CAB39: variants seen among roughly 807,000 people sequenced by gnomAD.
CAB39 encodes calcium-binding protein 39.
In CAB39, 8 loss-of-function variants were observed where a neutral mutation model predicts 40.0. The observed-to-expected ratio is 0.20, with a 90% CI of 0.12 to 0.36. CAB39 has a LOEUF of 0.36. CAB39 is among the 10% of genes least tolerant of loss of function. CAB39 has a pLI of 1.00. For missense variants in CAB39, 270 were observed against 401.1 expected, an observed-to-expected ratio of 0.67 and a Z score of 2.79; for synonymous variants, 156 against 141.6, an observed-to-expected ratio of 1.10 and a Z score of -0.72.
chr2:230,796,844 G>A (rs535401536), intron 4 of CAB39, among the ~76,000 whole-genome samples: 14 of 152,264 alleles, frequency 9.2e-5, no homozygotes, highest in African/African-American at 3.4e-4. Context: ...CATCCTAATG[G>A]CATATGACTG....
intron 1 of CAB39, among the ~76,000 whole-genome samples, chr2:230,715,784 CCTCAACCTCCTGGG>C (rs1263872399): frequency 7.2e-5 from 11 of 152,200 alleles, no homozygotes; most frequent in Admixed American, 3.3e-4. Flanking sequence ...CTCACTGCAA[CCTCAACCTCCTGGG>C]CTCAAGCCAT....
chr2:230,811,946 CAT>C (rs551924959), intron 6 of CAB39, among the ~76,000 whole-genome samples: 7 of 152,142 alleles, frequency 4.6e-5, no homozygotes, highest in Non-Finnish European at 1.0e-4. Flanking sequence ...TTTAGAAGAA[CAT>C]ATGTGAGGCA....
chr2:230,783,732 G>A (rs1695739327), intron 2 of CAB39, among the ~76,000 whole-genome samples: 1 of 152,040 alleles, frequency 6.6e-6, no homozygotes, highest in African/African-American at 2.4e-5. Context: ...GAACTCCTGA[G>A]CTCAAGCCAT....
chr2:230,816,449 C>T (rs1233173311), intron 7 of CAB39, among the ~76,000 whole-genome samples: 1 of 152,188 alleles, frequency 6.6e-6, no homozygotes, highest in African/African-American at 2.4e-5. Context: ...TGATATGAAG[C>T]CTACTCCTTT....
In CAB39 at chr2:230,809,445, C is replaced by T. The variant is rs78562779; in HGVS notation, c.568-818C>T. Among the ~76,000 whole-genome samples the T allele has an allele frequency of 2.6e-5, 4 of 152,214 alleles. No homozygotes were observed. In the South Asian group the frequency reaches 6.2e-4, roughly 24 times the overall value. On this transcript the variant is annotated intron_variant, in intron 5 of 8. Coordinates refer to ENST00000258418, the MANE Select transcript of CAB39 (RefSeq NM_016289.4). ...CCTCAATCCATTAGTTTACCAGCTA[C>T]TGGCCAGGCCTTCCTGCTGTCACTT...
chr2:230,767,268 G>T (rs976480345), intron 2 of CAB39, among the ~76,000 whole-genome samples: 1 of 152,086 alleles, frequency 6.6e-6, no homozygotes, highest in Non-Finnish European at 1.5e-5. Context: ...CAGGCCAAAA[G>T]TCTTAAGGGT....
At chr2:230,782,126 A>C (rs1695697372) in intron 2 of CAB39, among the ~76,000 whole-genome samples, 1 of 152,162 alleles carries the variant, frequency 6.6e-6, no homozygotes, top group Non-Finnish European at 1.5e-5. Context: ...TCGGCCTCTG[A>C]AAGTGCTAGG....
At chr2:230,748,831 A>AAAATATATATATAT (rs1386799920) in intron 1 of CAB39, among the ~76,000 whole-genome samples, 24 of 28,484 alleles carry the variant, frequency 8.4e-4, no homozygotes, top group East Asian at 1.5e-3. Context: ...AAAAAAAAAA[A>AAAATATATATATAT]ATATATATAT....
At chr2:230,794,572 A>G (rs1240222105) in intron 4 of CAB39, among the ~76,000 whole-genome samples, 1 of 152,214 alleles carries the variant, frequency 6.6e-6, no homozygotes. Context: ...TGGCATGTCA[A>G]GAAAGACTTT....
chr2:230,751,300 A>G (rs936207943), intron 1 of CAB39, among the ~76,000 whole-genome samples: 1 of 152,350 alleles, frequency 6.6e-6, no homozygotes, highest in Non-Finnish European at 1.5e-5. Flanking sequence ...GTCATTCAGC[A>G]GTTTTTCATT....
chr2:230,785,673 A>G (rs1299368114), intron 2 of CAB39, among the ~76,000 whole-genome samples: 1 of 152,038 alleles, frequency 6.6e-6, no homozygotes, highest in Non-Finnish European at 1.5e-5. Context: ...ATGCCATTCA[A>G]TTCAGAAGTA....
chr2:230,723,193 T>C (rs1694487579), intron 1 of CAB39, among the ~76,000 whole-genome samples: 1 of 152,170 alleles, frequency 6.6e-6, no homozygotes, highest in Non-Finnish European at 1.5e-5. Context: ...TTCTGCAGGT[T>C]TGGTGAGTTT....
chr2:230,723,477 C>T (rs1386722770), intron 1 of CAB39, among the ~76,000 whole-genome samples: 1 of 152,188 alleles, frequency 6.6e-6, no homozygotes, highest in African/African-American at 2.4e-5. Context: ...AATCTTGCTG[C>T]CCCTTCTGCA....
At chr2:230,746,107 A>T in intron 1 of CAB39, among the ~76,000 whole-genome samples, 1 of 152,146 alleles carries the variant, frequency 6.6e-6, no homozygotes, top group East Asian at 1.9e-4. Flanking sequence ...TATGTTTTAT[A>T]TTTTTTTGTA....
chr2:230,748,940 C>T (rs1695037465), intron 1 of CAB39, among the ~76,000 whole-genome samples: 1 of 137,048 alleles, frequency 7.3e-6, no homozygotes, highest in African/African-American at 2.6e-5. Flanking sequence ...CCCTTGTCAT[C>T]TATATGGTTA....
chr2:230,812,684 C>T (rs1417546954), intron 6 of CAB39, among the ~76,000 whole-genome samples: 1 of 152,146 alleles, frequency 6.6e-6, no homozygotes, highest in African/African-American at 2.4e-5. Context: ...CAAATACATA[C>T]CAAATAGATG....
chr2:230,816,824 G>A (rs377132956), intron 7 of CAB39, among the ~76,000 whole-genome samples: 16 of 152,232 alleles, frequency 1.1e-4, no homozygotes, highest in Admixed American at 4.6e-4. Context: ...GTTCAGTAAC[G>A]TGCTCAAGAT....
At chr2:230,725,238 C>T in intron 1 of CAB39, 1 of 1,591,030 alleles carries the variant, frequency 6.3e-7, no homozygotes, top group African/African-American at 1.3e-5. Context: ...TAGAGGTCTT[C>T]ATCTTTCTTT....
intron 3 of CAB39, among the ~76,000 whole-genome samples, chr2:230,792,154 TTTTCA>T (rs1298377777): frequency 6.6e-6 from 1 of 152,236 alleles, no homozygotes; most frequent in Non-Finnish European, 1.5e-5. Flanking sequence ...AACTGCAATG[TTTTCA>T]TTTCATAGCT....
Sources: allele counts gnomAD v4.1 joint callset (sites outside exome capture counted in the v4.1 genomes callset), GRCh38; gene constraint gnomAD v4.1.1; transcripts MANE v1.5; gene names NCBI Gene and HGNC (gene_info 2026-07-23, HGNC 2026-07-21).